The following PCDH15 variants were observed in gnomAD, a reference collection of about 807,000 sequenced individuals.
PCDH15 encodes protocadherin-15.
Under a neutral mutation model 178.5 loss-of-function variants are expected in PCDH15, and 129 were observed. The observed-to-expected ratio is 0.72, with a 90% CI of 0.63 to 0.84. The LOEUF is 0.84. Among genes scored for constraint, PCDH15 ranks in the 40% least tolerant of loss-of-function variants. The pLI, the probability that PCDH15 is intolerant of heterozygous loss-of-function variation, is 0.00. For synonymous variants in PCDH15, 800 were observed against 732.0 expected (o/e 1.09, Z -1.50); for missense variants, 2,230 against 2,099.9 (o/e 1.06, Z -1.21).
At chr10:54,119,217 A>G (rs1482667986) in intron 15 of PCDH15, among the ~76,000 whole-genome samples, 1 of 152,190 alleles carries the variant, frequency 6.6e-6, no homozygotes, top group African/African-American at 2.4e-5. Flanking sequence ...AATAAGATCC[A>G]AAACAAACTT....
intron 2 of PCDH15, among the ~76,000 whole-genome samples, chr10:54,629,294 T>A (rs1275082082): frequency 6.6e-6 from 1 of 152,042 alleles, no homozygotes; most frequent in South Asian, 2.1e-4. Flanking sequence ...GAAGTATTTT[T>A]AAAAAGGAAG....
intron 2 of PCDH15, among the ~76,000 whole-genome samples, chr10:55,623,506 G>A (rs1837453281): frequency 6.6e-6 from 1 of 151,948 alleles, no homozygotes; most frequent in Non-Finnish European, 1.5e-5. Flanking sequence ...CAATGTAAAT[G>A]CAAATGTAGT....
At chr10:54,374,010 G>C (rs918067713) in intron 4 of PCDH15, among the ~76,000 whole-genome samples, 11 of 152,002 alleles carry the variant, frequency 7.2e-5, no homozygotes, top group Non-Finnish European at 1.5e-5. Flanking sequence ...AAATTATATA[G>C]ACAGGGTGCA....
intron 20 of PCDH15, among the ~76,000 whole-genome samples, chr10:54,007,206 CTTAGT>C (rs1452690419): frequency 1.3e-5 from 2 of 152,130 alleles, no homozygotes; most frequent in Admixed American, 1.3e-4. Flanking sequence ...TCTATTATAA[CTTAGT>C]TTGTAAGGCT....
intron 1 of PCDH15, among the ~76,000 whole-genome samples, chr10:54,715,643 T>A (rs181826749): frequency 1.3e-5 from 2 of 152,048 alleles, no homozygotes; most frequent in East Asian, 3.9e-4. Flanking sequence ...ATGCACCATA[T>A]CTCCTGGGAT....
intron 3 of PCDH15, among the ~76,000 whole-genome samples, chr10:54,414,704 C>T (rs1954062333): frequency 6.6e-6 from 1 of 152,024 alleles, no homozygotes; most frequent in Non-Finnish European, 1.5e-5. Context: ...ATTTTAGATA[C>T]ATGCCATTAT....
chr10:54,411,008 A>T (rs1412771736), intron 3 of PCDH15, among the ~76,000 whole-genome samples: 4 of 152,156 alleles, frequency 2.6e-5, no homozygotes, highest in African/African-American at 9.6e-5. Context: ...AAGAATTGAT[A>T]TATAGAGTTT....
At chr10:54,662,623 G>A (rs1217044385) in intron 2 of PCDH15, among the ~76,000 whole-genome samples, 1 of 151,900 alleles carries the variant, frequency 6.6e-6, no homozygotes, top group Non-Finnish European at 1.5e-5. Flanking sequence ...CCAATTTATA[G>A]CATTACAGGT....
intron 1 of PCDH15, among the ~76,000 whole-genome samples, chr10:54,697,405 T>G (rs2095243839): frequency 6.6e-6 from 1 of 151,784 alleles, no homozygotes; most frequent in Non-Finnish European, 1.5e-5. Flanking sequence ...TGAAAATACA[T>G]GATTACCTGA....
chr10:54,086,714 A>T (rs1312259317), intron 16 of PCDH15, among the ~76,000 whole-genome samples: 1 of 152,166 alleles, frequency 6.6e-6, no homozygotes, highest in Non-Finnish European at 1.5e-5. Context: ...AGGACCCTGA[A>T]TCAAGAATGA....
intron 2 of PCDH15, among the ~76,000 whole-genome samples, chr10:54,993,689 G>T (rs191578070): frequency 2.6e-5 from 4 of 152,174 alleles, no homozygotes; most frequent in Non-Finnish European, 5.9e-5. Flanking sequence ...CACAAGTGAG[G>T]TAGAGCCTCT....
intron 11 of PCDH15, among the ~76,000 whole-genome samples, chr10:54,194,047 A>C (rs939252883): frequency 2.6e-4 from 38 of 144,522 alleles, no homozygotes; most frequent in African/African-American, 9.9e-4. Context: ...TAAATGTGAG[A>C]GACCAGGAAA....
chr10:55,169,570 G>A (rs1766709808), intron 1 of PCDH15, among the ~76,000 whole-genome samples: 1 of 152,056 alleles, frequency 6.6e-6, no homozygotes, highest in African/African-American at 2.4e-5. Flanking sequence ...ATAAAAGCAG[G>A]TTTTATAAAA....
At chr10:55,433,806 G>A (rs1267558491) in intron 2 of PCDH15, among the ~76,000 whole-genome samples, 1 of 151,784 alleles carries the variant, frequency 6.6e-6, no homozygotes, top group African/African-American at 2.4e-5. Context: ...GTATCTTCGT[G>A]CCTGGTGTAA....
At chr10:53,930,350 C>T (rs1033501733) in intron 25 of PCDH15, among the ~76,000 whole-genome samples, 4 of 146,308 alleles carry the variant, frequency 2.7e-5, no homozygotes, top group Non-Finnish European at 3.0e-5. Context: ...TCCAGCTACT[C>T]GGGAGGCTGA....
chr10:54,457,329 GA>G (rs1454107543), intron 3 of PCDH15, among the ~76,000 whole-genome samples: 5 of 152,048 alleles, frequency 3.3e-5, no homozygotes, highest in Non-Finnish European at 4.4e-5. Flanking sequence ...GCAATATTAG[GA>G]AGATTAAAAC....
intron 1 of PCDH15, among the ~76,000 whole-genome samples, chr10:55,229,946 C>A (rs1346404958): frequency 6.6e-6 from 1 of 151,960 alleles, no homozygotes. Flanking sequence ...TAGTAACCTG[C>A]TGAACTCTGC....
At chr10:54,793,017 C>G (rs1336021043) in intron 1 of PCDH15, among the ~76,000 whole-genome samples, 6 of 151,882 alleles carry the variant, frequency 4.0e-5, no homozygotes, top group Admixed American at 3.3e-4. Context: ...CTACCCAGTA[C>G]CAAGCTGACT....
At chr10:55,225,025 A>G (rs954951274) in intron 1 of PCDH15, among the ~76,000 whole-genome samples, 1 of 152,008 alleles carries the variant, frequency 6.6e-6, no homozygotes, top group African/African-American at 2.4e-5. Context: ...CTTAACACTT[A>G]TCCTTATTAA....
Sources: gnomAD v4.1 joint callset for allele counts (sites outside exome capture counted in the v4.1 genomes callset) on GRCh38, gnomAD v4.1.1 for gene constraint, MANE v1.5 for transcripts, NCBI Gene and HGNC (gene_info 2026-07-23, HGNC 2026-07-21) for gene names.